Variants in DLGAP1 observed in about 807,000 individuals in gnomAD.
The protein encoded by DLGAP1 is disks large-associated protein 1.
A neutral mutation model predicts 90.8 loss-of-function variants in DLGAP1; 11 were observed. The ratio of observed to expected loss-of-function variants is 0.12; its 90% CI spans 0.08 to 0.20. The LOEUF (loss-of-function observed/expected upper bound fraction) is 0.20. Among genes scored for constraint, DLGAP1 ranks in the 10% least tolerant of loss-of-function variants. DLGAP1 has a pLI of 1.00. For missense variants in DLGAP1, 1,050 were observed against 1,333.8 expected, an observed-to-expected ratio of 0.79 and a Z score of 3.31; for synonymous variants, 558 against 540.7, an observed-to-expected ratio of 1.03 and a Z score of -0.44.
At chr18:4,132,449 G>A (rs2076331148) in intron 2 of DLGAP1, among the ~76,000 whole-genome samples, 1 of 152,138 alleles carries the variant, frequency 6.6e-6, no homozygotes, top group Admixed American at 6.6e-5. Flanking sequence ...CCACTTTCTA[G>A]CTGTGTGACC....
intron 1 of DLGAP1, among the ~76,000 whole-genome samples, chr18:4,413,584 A>G (rs79705876): frequency 0.033 from 5,066 of 152,280 alleles, 276 homozygotes; most frequent in African/African-American, 0.11. Context: ...CCATCTCAGG[A>G]TTGAATTCTA....
intron 7 of DLGAP1, among the ~76,000 whole-genome samples, chr18:3,674,298 T>A (rs866368251): frequency 1.2e-4 from 14 of 115,122 alleles, no homozygotes; most frequent in African/African-American, 5.0e-4. Flanking sequence ...AATATTAAAA[T>A]ATATATATAT....
At chr18:4,213,987 C>T (rs550984443) in intron 1 of DLGAP1, among the ~76,000 whole-genome samples, 16 of 152,106 alleles carry the variant, frequency 1.1e-4, no homozygotes, top group South Asian at 2.1e-4. Context: ...GACTGTGGCC[C>T]GAGAAATTTC....
chr18:3,602,038 A>G (rs1278926098), intron 7 of DLGAP1, among the ~76,000 whole-genome samples: 1 of 151,706 alleles, frequency 6.6e-6, no homozygotes, highest in Non-Finnish European at 1.5e-5. Flanking sequence ...TAAATAAAAC[A>G]TATGATTTAC....
chr18:4,197,188 T>TAAAAAAAAAAAAAAAAAAAAGA (rs2077515430), intron 1 of DLGAP1, among the ~76,000 whole-genome samples: 2 of 73,738 alleles, frequency 2.7e-5, no homozygotes, highest in Admixed American at 1.7e-4. Flanking sequence ...TAAAAAAAAG[T>TAAAAAAAAAAAAAAAAAAAAGA]AAAAAAAAAA....
At chr18:4,192,494 G>A (rs2077420146) in intron 1 of DLGAP1, among the ~76,000 whole-genome samples, 1 of 152,140 alleles carries the variant, frequency 6.6e-6, no homozygotes, top group Non-Finnish European at 1.5e-5. Flanking sequence ...TACTTATCCT[G>A]TAACCCCAAC....
chr18:3,837,849 CAAAAAAAAAAAAAAAAAA>C (rs5822770), intron 4 of DLGAP1, among the ~76,000 whole-genome samples: 13 of 26,820 alleles, frequency 4.8e-4, no homozygotes, highest in Admixed American at 3.0e-3. Context: ...GAGATTCTGT[CAAAAAAAAAAAAAAAAAA>C]AAAAAAAAAA....
intron 1 of DLGAP1, among the ~76,000 whole-genome samples, chr18:4,328,378 A>G (rs2080872037): frequency 6.6e-6 from 1 of 151,956 alleles, no homozygotes; most frequent in South Asian, 2.1e-4. Context: ...TGAGTCAATA[A>G]TCTGTCCCTT....
At chr18:4,243,469 G>A (rs1422540588) in intron 1 of DLGAP1, among the ~76,000 whole-genome samples, 4 of 152,244 alleles carry the variant, frequency 2.6e-5, no homozygotes, top group Non-Finnish European at 5.9e-5. Context: ...TTTATGAGAA[G>A]AGAACTCATC....
chr18:4,014,048 G>A (rs2074477162), intron 2 of DLGAP1: 1 of 142,180 alleles, frequency 7.0e-6, no homozygotes. Flanking sequence ...GAGCATGTTT[G>A]TTCTTTTATT....
At chr18:3,647,323 G>A (rs1016779659) in intron 7 of DLGAP1, among the ~76,000 whole-genome samples, 7 of 151,568 alleles carry the variant, frequency 4.6e-5, no homozygotes, top group Non-Finnish European at 1.0e-4. Context: ...AAAAGTAGCA[G>A]CATATGAATT....
At position 3,517,680 on chromosome 18, in the gene DLGAP1, G is replaced by A. The variant is rs551999945; in HGVS notation, c.2480-9019C>T. ...TAAAAATACAAAATTAGTCAGGCAC[G>A]GTGGCGCATGCCTGTAATCCCAGCT... On this transcript the variant is annotated intron_variant, in intron 10 of 12. Transcript: ENST00000315677. The surrounding 1 kb of genome is among the most constrained non-coding windows in gnomAD (Gnocchi z 4.1). Among the ~76,000 whole-genome samples the A allele has an allele frequency of 4.1e-4, 63 of 152,260 alleles. No individual in the cohort carries two copies. The highest frequency in any genetic ancestry group is 1.3e-3 in the African/African-American group (55 of 41,560).
At chr18:4,069,788 T>C (rs189968318) in intron 2 of DLGAP1, among the ~76,000 whole-genome samples, 34 of 152,320 alleles carry the variant, frequency 2.2e-4, no homozygotes, top group Admixed American at 2.6e-4. Context: ...TTCACAGCAA[T>C]GTGACAACGG....
At chr18:4,263,035 C>T (rs901072695) in intron 1 of DLGAP1, among the ~76,000 whole-genome samples, 9 of 152,002 alleles carry the variant, frequency 5.9e-5, no homozygotes, top group African/African-American at 1.7e-4. Flanking sequence ...CGTGTTCAAG[C>T]GATTCTCCTG....
At chr18:4,039,374 G>A (rs7237091) in intron 2 of DLGAP1, among the ~76,000 whole-genome samples, 116,065 of 152,022 alleles carry the variant, frequency 0.76, 44,510 homozygotes, top group South Asian at 0.84. Flanking sequence ...ATCCATCTCT[G>A]TCCTCCTTCA....
chr18:3,614,379 G>T (rs924298965), intron 7 of DLGAP1, among the ~76,000 whole-genome samples: 1 of 152,114 alleles, frequency 6.6e-6, no homozygotes, highest in African/African-American at 2.4e-5. Context: ...AGGCTGAGTA[G>T]AAAGGGAGAA....
intron 2 of DLGAP1, among the ~76,000 whole-genome samples, chr18:4,060,096 G>T (rs1380663809): frequency 6.6e-6 from 1 of 152,168 alleles, no homozygotes; most frequent in East Asian, 1.9e-4. Context: ...AAGGCCAAAG[G>T]GTCTCCAGGA....
intron 5 of DLGAP1, among the ~76,000 whole-genome samples, chr18:3,756,691 A>T (rs985561660): frequency 3.3e-5 from 5 of 152,012 alleles, no homozygotes; most frequent in African/African-American, 1.2e-4. Flanking sequence ...TAGGCTCTTT[A>T]AAAAAATCAA....
intron 2 of DLGAP1, among the ~76,000 whole-genome samples, chr18:4,132,592 C>T (rs1402929150): frequency 6.6e-6 from 1 of 152,090 alleles, no homozygotes; most frequent in Non-Finnish European, 1.5e-5. Flanking sequence ...TTTCATTCTG[C>T]CAGGTACAAT....
Sources: gnomAD v4.1 joint callset for allele counts (sites outside exome capture counted in the v4.1 genomes callset) on GRCh38, gnomAD v4.1.1 for gene constraint, Gnocchi (gnomAD v3.1) non-coding constraint, MANE v1.5 for transcripts, NCBI Gene and HGNC (gene_info 2026-07-23, HGNC 2026-07-21) for gene names.